PAM: variants seen among roughly 807,000 people sequenced by gnomAD.
PAM encodes the protein peptidyl-glycine alpha-amidating monooxygenase.
In PAM, 72 loss-of-function variants were observed where a neutral mutation model predicts 122.1. That is an observed-to-expected ratio of 0.59 (90% CI 0.49 to 0.72). The LOEUF is 0.72. Among genes scored for constraint, PAM ranks in the 30% least tolerant of loss-of-function variants. The probability of loss-of-function intolerance (pLI) is 0.00; values close to 1 mark genes in which losing one functional copy is unlikely to be tolerated. For synonymous variants in PAM, 389 were observed against 404.4 expected, an observed-to-expected ratio of 0.96 and a Z score of 0.46; for missense variants, 1,106 against 1,183.7, an observed-to-expected ratio of 0.93 and a Z score of 0.96.
intron 1 of PAM, among the ~76,000 whole-genome samples, chr5:102,853,953 G>A (rs1418978790): frequency 2.0e-5 from 3 of 152,198 alleles, no homozygotes; most frequent in African/African-American, 7.2e-5. Context: ...ATTCAGTAAT[G>A]ATTCAGCTTA....
chr5:102,756,959 T>A (rs77922829), intron 1 of PAM, among the ~76,000 whole-genome samples: 4,373 of 152,294 alleles, frequency 0.029, 110 homozygotes, highest in East Asian at 0.14. Context: ...TTTCATATTT[T>A]TATATGAACA....
At chr5:102,973,693 T>G (rs183777708) in intron 14 of PAM, among the ~76,000 whole-genome samples, 16 of 152,304 alleles carry the variant, frequency 1.1e-4, no homozygotes, top group Admixed American at 9.8e-4. Context: ...TTTCATTTCT[T>G]GTGGCTTGCA....
At chr5:103,012,650 C>T (rs549048934) in intron 21 of PAM, among the ~76,000 whole-genome samples, 3 of 152,010 alleles carry the variant, frequency 2.0e-5, no homozygotes, top group East Asian at 3.9e-4. Context: ...GTCAGGAGAT[C>T]GAGACCATCC....
At chr5:102,789,799 A>G (rs1464457952) in intron 1 of PAM, among the ~76,000 whole-genome samples, 1 of 152,080 alleles carries the variant, frequency 6.6e-6, no homozygotes. Context: ...ATTCTATGTT[A>G]TGTATACTTT....
chr5:102,985,836 A>AG (rs1771636879), intron 15 of PAM, among the ~76,000 whole-genome samples: 1 of 152,144 alleles, frequency 6.6e-6, no homozygotes, highest in African/African-American at 2.4e-5. Context: ...TAAATGCAAA[A>AG]TCCTCAACAC....
chr5:102,921,097 T>C (rs1653016738), intron 5 of PAM, among the ~76,000 whole-genome samples: 1 of 152,142 alleles, frequency 6.6e-6, no homozygotes, highest in Non-Finnish European at 1.5e-5. Flanking sequence ...ATTTTTACTA[T>C]GAATACTAAG....
At chr5:103,006,296 A>G (rs1778949672) in intron 18 of PAM, among the ~76,000 whole-genome samples, 1 of 152,132 alleles carries the variant, frequency 6.6e-6, no homozygotes, top group East Asian at 1.9e-4. Flanking sequence ...AACTACCTTA[A>G]TCTTCTATAA....
chr5:102,822,888 A>G (rs1772421835), intron 1 of PAM, among the ~76,000 whole-genome samples: 1 of 134,152 alleles, frequency 7.5e-6, no homozygotes, highest in Non-Finnish European at 1.5e-5. Context: ...GACTCCTGCT[A>G]CACATGTGCC....
chr5:102,937,050 G>C (rs1451420133), intron 7 of PAM, among the ~76,000 whole-genome samples: 1 of 152,114 alleles, frequency 6.6e-6, no homozygotes, highest in Non-Finnish European at 1.5e-5. Flanking sequence ...TTTAATTACT[G>C]TCTGGTTATT....
intron 23 of PAM, among the ~76,000 whole-genome samples, chr5:103,024,472 T>C (rs1251182884): frequency 6.6e-6 from 1 of 152,156 alleles, no homozygotes; most frequent in African/African-American, 2.4e-5. Flanking sequence ...CTGAAAACAA[T>C]ATAAAAGAGC....
chr5:102,859,419 T>A (rs183364678), intron 1 of PAM, among the ~76,000 whole-genome samples: 603 of 151,880 alleles, frequency 4.0e-3, no homozygotes, highest in Non-Finnish European at 6.9e-3. Flanking sequence ...GGTTTTTTTT[T>A]AAAAAAAGCT....
intron 1 of PAM, among the ~76,000 whole-genome samples, chr5:102,834,634 G>C (rs1776410179): frequency 6.6e-6 from 1 of 152,146 alleles, no homozygotes; most frequent in Non-Finnish European, 1.5e-5. Context: ...GGCAGTGAGA[G>C]AGGAAACCAC....
intron 12 of PAM, among the ~76,000 whole-genome samples, chr5:102,958,160 G>A (rs1270488264): frequency 6.6e-6 from 1 of 152,088 alleles, no homozygotes; most frequent in Admixed American, 6.6e-5. Context: ...GTGAAAACAT[G>A]GGTATTGGCA....
chr5:102,833,939 T>C (rs1216381833), intron 1 of PAM, among the ~76,000 whole-genome samples: 1 of 152,146 alleles, frequency 6.6e-6, no homozygotes, highest in African/African-American at 2.4e-5. Context: ...AATGGAGAGA[T>C]AATAGAATCT....
intron 1 of PAM, among the ~76,000 whole-genome samples, chr5:102,861,875 A>G (rs932910918): frequency 6.6e-6 from 1 of 152,194 alleles, no homozygotes; most frequent in Non-Finnish European, 1.5e-5. Context: ...ATGTTATAAA[A>G]TATGCCTTTG....
chr5:102,867,292 C>T lies in PAM; in HGVS notation c.109C>T (p.Pro37Ser), dbSNP rs1055319357. ...VFKRFKETTR[P>S]FSNECLGTTR... ...TTTAAGGTTTAAAGAAACTACCAGA[C>T]CATTTTCCAATGAATGTCTTGGTAC... Residue 37 changes from proline (P) to serine (S), a missense_variant, in exon 3 of 26, where the codon CCA becomes TCA. By Grantham distance (74) the Pro-to-Ser change is moderately conservative. Around this residue, in one of 3 missense-constraint regions of PAM, gnomAD observed 670 missense variants for 690.3 expected, o/e 0.97. Coordinates refer to ENST00000438793, the MANE Select transcript of PAM (RefSeq NM_001177306.2). The T allele has an allele frequency of 1.9e-6, 3 of 1,602,130 alleles. No homozygotes were observed. The highest frequency in any genetic ancestry group is 2.2e-5 in the East Asian group (1 of 44,782).
chr5:102,826,105 G>C (rs1371931067), intron 1 of PAM, among the ~76,000 whole-genome samples: 2 of 152,100 alleles, frequency 1.3e-5, no homozygotes. Flanking sequence ...ACTATTACTT[G>C]CTATTTTTAC....
intron 1 of PAM, among the ~76,000 whole-genome samples, chr5:102,828,057 G>C: frequency 6.6e-6 from 1 of 152,008 alleles, no homozygotes; most frequent in Non-Finnish European, 1.5e-5. Flanking sequence ...TTCTATTCAT[G>C]GCCATGCACG....
At chr5:103,025,511 C>G (rs1344393445) in intron 24 of PAM, 177 bp downstream of exon 24, 2 of 642,162 alleles carry the variant, frequency 3.1e-6, no homozygotes, top group Middle Eastern at 2.6e-4. Flanking sequence ...GTTAATATCA[C>G]AGTACAAAAT....
Sources: gnomAD v4.1 joint callset for allele counts (sites outside exome capture counted in the v4.1 genomes callset) on GRCh38, gnomAD v4.1.1 for gene constraint, gnomAD v4.1.1 regional missense constraint, MANE v1.5 for transcripts, NCBI Gene and HGNC (gene_info 2026-07-23, HGNC 2026-07-21) for gene names.